Variants in FAM107B observed in about 807,000 individuals in gnomAD.
FAM107B encodes family with sequence similarity 107 member B, also known as protein FAM107B.
A neutral mutation model predicts 31.5 loss-of-function variants in FAM107B; 21 were observed. That is an observed-to-expected ratio of 0.67 (90% CI 0.47 to 0.96). The LOEUF (loss-of-function observed/expected upper bound fraction) is 0.96, where lower values mean the gene tolerates loss of function less well. Ranked by LOEUF, FAM107B falls within the 40% of genes least tolerant of loss-of-function variation. The pLI, the probability that FAM107B is intolerant of heterozygous loss-of-function variation, is 0.00. For synonymous variants in FAM107B, 157 were observed against 141.5 expected, an observed-to-expected ratio of 1.11 and a Z score of -0.78; for missense variants, 452 against 377.1, an observed-to-expected ratio of 1.20 and a Z score of -1.64.
At chr10:14,719,467 A>G (rs1031219470) in intron 1 of FAM107B, among the ~76,000 whole-genome samples, 1 of 152,186 alleles carries the variant, frequency 6.6e-6, no homozygotes. Context: ...CAACGAACAT[A>G]AATATTTTGC....
intron 1 of FAM107B, among the ~76,000 whole-genome samples, chr10:14,769,574 C>CG (rs1222218472): frequency 1.3e-5 from 2 of 151,960 alleles, no homozygotes; most frequent in East Asian, 1.9e-4. Context: ...TTAGTAGAGA[C>CG]GGGGTTTCAC....
At chr10:14,537,306 T>C (rs1847720057) in intron 2 of FAM107B, among the ~76,000 whole-genome samples, 1 of 152,192 alleles carries the variant, frequency 6.6e-6, no homozygotes, top group African/African-American at 2.4e-5. Flanking sequence ...TGGGGGTATA[T>C]GTAAGCTTCC....
chr10:14,616,892 C>T (rs1203881569), intron 2 of FAM107B, among the ~76,000 whole-genome samples: 1 of 151,874 alleles, frequency 6.6e-6, no homozygotes, highest in Non-Finnish European at 1.5e-5. Context: ...GTACTCCAGC[C>T]TGGGTGACAC....
intron 1 of FAM107B, among the ~76,000 whole-genome samples, chr10:14,685,156 T>G (rs200024323): frequency 0.44 from 64,811 of 147,454 alleles, 14,978 homozygotes; most frequent in East Asian, 0.63. Flanking sequence ...TTTTTTTTTT[T>G]TTTTTTTTTT....
intron 1 of FAM107B, among the ~76,000 whole-genome samples, chr10:14,724,716 T>TCA: frequency 6.7e-6 from 1 of 148,792 alleles, no homozygotes; most frequent in Non-Finnish European, 1.5e-5. Flanking sequence ...CTAAACATCG[T>TCA]CACACAAGTT....
chr10:14,649,636 C>G (rs1325902076), intron 2 of FAM107B, among the ~76,000 whole-genome samples: 1 of 152,142 alleles, frequency 6.6e-6, no homozygotes, highest in East Asian at 1.9e-4. Context: ...ACCTGGACAC[C>G]CCCCACTTCG....
rs550500826 is a variant in FAM107B at position 14,688,296 on chromosome 10, G to T, written c.412-20605C>A. ...CCCTACTTTTGAGGTTTTGGGACTC[G>T]GACTGGCTTTCTTGCTCCTCAGCTT... is the stretch of plus-strand genomic sequence containing the variant. On this transcript the variant is annotated intron_variant, in intron 1 of 4. Coordinates refer to ENST00000181796, the MANE Select transcript of FAM107B (RefSeq NM_031453.4). Among the ~76,000 whole-genome samples the T allele has an allele frequency of 3.3e-5, 5 of 152,144 alleles. 1 individual carries two copies. The South Asian group carries it at 1.0e-3, about 32-fold the overall frequency.
chr10:14,703,718 ATT>A (rs1855457126), intron 1 of FAM107B, among the ~76,000 whole-genome samples: 1 of 152,236 alleles, frequency 6.6e-6, no homozygotes, highest in Non-Finnish European at 1.5e-5. Flanking sequence ...TCTTCTTTGA[ATT>A]ATAACAAAAT....
rs911535663 is a variant in FAM107B at position 14,521,047 on chromosome 10, G to A, written c.*143C>T. 9 of 687,066 alleles carry A rather than the reference G, an allele frequency of 1.3e-5. No homozygotes were observed. Among genetic ancestry groups the A allele is most frequent in the South Asian group, 1.1e-4 (6 of 53,004 alleles). 42.6% of individuals were successfully genotyped at this position (687,066 alleles called of 1,614,324 possible). ...CACAGGCAAGGCATCCACCCAGATC[G>A]TAGGAAAATCAAACCAAATCCTACT... is the stretch of plus-strand genomic sequence containing the variant. On this transcript the variant is annotated 3_prime_UTR_variant, in exon 5 of 5. Transcript: ENST00000181796.
At chr10:14,758,873 GAAAAAAAA>G (rs57967855) in intron 1 of FAM107B, among the ~76,000 whole-genome samples, 4 of 38,968 alleles carry the variant, frequency 1.0e-4, no homozygotes, top group African/African-American at 2.0e-4. Flanking sequence ...GACCCTCTCA[GAAAAAAAA>G]AAAAAAAAAA....
chr10:14,649,759 A>T (rs1427355567), intron 2 of FAM107B, among the ~76,000 whole-genome samples: 8 of 152,160 alleles, frequency 5.3e-5, no homozygotes, highest in African/African-American at 1.9e-4. Flanking sequence ...ACCTGGGCAC[A>T]TGTTCTTAGG....
At chr10:14,689,113 C>T (rs997199395) in intron 1 of FAM107B, among the ~76,000 whole-genome samples, 1 of 152,080 alleles carries the variant, frequency 6.6e-6, no homozygotes, top group Non-Finnish European at 1.5e-5. Context: ...TCAAGAAGCT[C>T]CTGGTGGCCA....
intron 2 of FAM107B, among the ~76,000 whole-genome samples, chr10:14,567,375 C>T (rs1054771367): frequency 1.3e-5 from 2 of 152,000 alleles, no homozygotes; most frequent in East Asian, 1.9e-4. Context: ...GATAATCTGC[C>T]GAGAGTGAAA....
chr10:14,616,962 A>T (rs1294625674), intron 2 of FAM107B, among the ~76,000 whole-genome samples: 1 of 152,036 alleles, frequency 6.6e-6, no homozygotes, highest in African/African-American at 2.4e-5. Flanking sequence ...GAGAGTAAGG[A>T]AAGTAAAAAT....
At chr10:14,723,710 A>T in intron 1 of FAM107B, 1 of 756,872 alleles carries the variant, frequency 1.3e-6, no homozygotes, top group South Asian at 1.3e-5. Flanking sequence ...GGCTCCCAGA[A>T]GGCTGCCTGG....
At chr10:14,527,074 T>C (rs778796200) in intron 3 of FAM107B, among the ~76,000 whole-genome samples, 13 of 152,032 alleles carry the variant, frequency 8.6e-5, no homozygotes, top group Admixed American at 6.5e-5. Flanking sequence ...CCTCACCTCG[T>C]GATCCACCCG....
At chr10:14,710,152 CAG>C (rs1588720980) in intron 1 of FAM107B, among the ~76,000 whole-genome samples, 1 of 152,088 alleles carries the variant, frequency 6.6e-6, no homozygotes, top group Admixed American at 6.5e-5. Flanking sequence ...ACGTTAATAA[CAG>C]GGGAAACTAG....
intron 2 of FAM107B, among the ~76,000 whole-genome samples, chr10:14,657,715 A>G (rs1374300774): frequency 2.0e-5 from 3 of 152,102 alleles, no homozygotes; most frequent in African/African-American, 7.2e-5. Context: ...CCTCTTGTTC[A>G]CTGGTGTTTT....
chr10:14,627,425 C>A (rs889556327), intron 2 of FAM107B, among the ~76,000 whole-genome samples: 1 of 152,096 alleles, frequency 6.6e-6, no homozygotes, highest in African/African-American at 2.4e-5. Flanking sequence ...TAAAATCATG[C>A]AAATATCTGT....
Sources: allele counts gnomAD v4.1 joint callset (sites outside exome capture counted in the v4.1 genomes callset), GRCh38; gene constraint gnomAD v4.1.1; transcripts MANE v1.5; gene names NCBI Gene and HGNC (gene_info 2026-07-23, HGNC 2026-07-21).